Variants in EIF5B observed in about 807,000 individuals in gnomAD.
The protein encoded by EIF5B is eukaryotic translation initiation factor 5B.
Under a neutral mutation model 147.5 loss-of-function variants are expected in EIF5B, and 47 were observed. That is an observed-to-expected ratio of 0.32 (90% confidence interval 0.25 to 0.41). The LOEUF (loss-of-function observed/expected upper bound fraction) is 0.41. Ranked by LOEUF, EIF5B falls within the 10% of genes least tolerant of loss-of-function variation. The pLI is 1.00. For missense variants in EIF5B, 1,064 were observed against 1,413.2 expected, an observed-to-expected ratio of 0.75 and a Z score of 3.96; for synonymous variants, 455 against 456.2, an observed-to-expected ratio of 1.00 and a Z score of 0.03.
intron 14 of EIF5B, among the ~76,000 whole-genome samples, chr2:99,384,728 G>A (rs1006965890): frequency 3.9e-5 from 6 of 152,210 alleles, no homozygotes; most frequent in Admixed American, 1.3e-4. Flanking sequence ...GGAAGTCACT[G>A]CGGATGTGGT....
At chr2:99,341,525 T>C (rs1198847447) in intron 1 of EIF5B, among the ~76,000 whole-genome samples, 2 of 152,226 alleles carry the variant, frequency 1.3e-5, no homozygotes, top group Non-Finnish European at 2.9e-5. Flanking sequence ...ATTCCAGTAT[T>C]GCAGTTGATC....
chr2:99,350,694 C>A (rs1174845200), intron 1 of EIF5B, among the ~76,000 whole-genome samples: 2 of 152,052 alleles, frequency 1.3e-5, no homozygotes, highest in Admixed American at 6.6e-5. Flanking sequence ...ATATTTTCTC[C>A]CGTTCTATAG....
intron 18 of EIF5B, among the ~76,000 whole-genome samples, 186 bp from the exon 19 acceptor site, chr2:99,394,081 G>A (rs1479244951): frequency 6.6e-6 from 1 of 152,216 alleles, no homozygotes; most frequent in African/African-American, 2.4e-5. Flanking sequence ...GCGAAATACA[G>A]TTAGGGTATG....
chr2:99,350,792 G>A (rs1000099786), intron 1 of EIF5B, among the ~76,000 whole-genome samples: 80 of 152,086 alleles, frequency 5.3e-4, no homozygotes, highest in Non-Finnish European at 3.7e-4. Flanking sequence ...CTTAAACAAC[G>A]TTATGAAGTG....
chr2:99,398,006 T>C (rs1465609562), intron 22 of EIF5B: 1 of 152,084 alleles, frequency 6.6e-6, no homozygotes, highest in Non-Finnish European at 1.5e-5. Flanking sequence ...CAGTAGGAGC[T>C]CAACTGGCTC....
rs2094245426 is a variant in EIF5B at position 99,337,441 on chromosome 2, G to T, written c.-114G>T. 2 of 1,361,734 alleles carry T rather than the reference G, an allele frequency of 1.5e-6. No homozygotes were observed. Among genetic ancestry groups the T allele is most frequent in the Non-Finnish European group, 2.1e-6 (2 of 974,616 alleles). The allele number at this position is 1,361,734 out of a possible 1,614,324, so 84.4% of individuals were successfully genotyped here. On this transcript the variant is annotated 5_prime_UTR_variant, in exon 1 of 24. Coordinates refer to ENST00000289371, the MANE Select transcript of EIF5B (RefSeq NM_015904.4). ...CGGGTCTGTGGAGAGCCGGGTGCGA[G>T]CGGCGGCAGCACGAGGGGAAAAGAG...
intron 1 of EIF5B, among the ~76,000 whole-genome samples, chr2:99,347,387 G>A (rs908757021): frequency 1.3e-5 from 2 of 152,206 alleles, no homozygotes; most frequent in Admixed American, 6.5e-5. Context: ...GAAAGATGAT[G>A]CCACGTTGTT....
chr2:99,390,353 G>A lies in EIF5B; in HGVS notation c.2538G>A (p.Leu846=). ...TTGTAGAGTTAACTCAGACCATGTT[G>A]AGCAAGAGACTTGCACACTGTGAAG... ...YLLVELTQTM[L]SKRLAHCEEL... The change falls in exon 16 of 24, where the codon TTG becomes TTA. Residue 846 remains leucine, a synonymous_variant. Transcript: ENST00000289371. 6.2e-7 allele frequency: 1 copy of A among 1,613,914 alleles called. No individual in the cohort carries two copies. Among genetic ancestry groups the A allele is most frequent in the Non-Finnish European group, 8.5e-7 (1 of 1,180,014 alleles).
intron 9 of EIF5B, among the ~76,000 whole-genome samples, chr2:99,373,342 C>A (rs1372922910): frequency 6.6e-6 from 1 of 152,160 alleles, no homozygotes; most frequent in Non-Finnish European, 1.5e-5. Context: ...GCATTGGTGC[C>A]TGGTAAAGGC....
rs1290554908 is a variant in EIF5B, at chr2:99,361,588, C to G, written c.687C>G (p.Ala229=). The change falls in exon 4 of 24, where the codon GCC becomes GCG. Residue 229 remains alanine, a synonymous_variant. Coordinates refer to ENST00000289371, the MANE Select transcript of EIF5B (RefSeq NM_015904.4). ...DDASFKIKTV[A]QKKAEKKERE... ...CCTCCTTCAAAATTAAGACAGTGGC[C>G]CAAAAGAAGGCAGAAAAGAAGGAGC... 2 of 1,604,134 alleles carry G rather than the reference C, an allele frequency of 1.2e-6. No individual in the cohort carries two copies. Among genetic ancestry groups the G allele is most frequent in the Non-Finnish European group, 1.7e-6 (2 of 1,177,548 alleles).
intron 12 of EIF5B, among the ~76,000 whole-genome samples, chr2:99,381,511 A>G (rs1674687141): frequency 1.9e-5 from 2 of 103,582 alleles, no homozygotes; most frequent in South Asian, 7.8e-4. Flanking sequence ...GCATAATACA[A>G]AAAGGGGGTG....
chr2:99,364,205 T>C (rs2104184527), intron 5 of EIF5B, 66 bp from the exon 6 acceptor site: 1 of 1,506,726 alleles, frequency 6.6e-7, no homozygotes, highest in Non-Finnish European at 8.8e-7. Context: ...GTTTGGATTG[T>C]TTACATTTGA....
At chr2:99,363,261 C>T (rs531719917) in intron 4 of EIF5B, among the ~76,000 whole-genome samples, 5 of 152,166 alleles carry the variant, frequency 3.3e-5, no homozygotes, top group Non-Finnish European at 5.9e-5. Context: ...ACAGAACTTA[C>T]GTGGGTGTTA....
Position 99,399,776 on chromosome 2 carries a change from A to G in EIF5B, c.*362A>G, listed in dbSNP as rs1015875177. The G allele has an allele frequency of 3.1e-5, 5 of 160,366 alleles. No homozygotes were observed. Among genetic ancestry groups the G allele is most frequent in the African/African-American group, 9.6e-5 (4 of 41,752 alleles). 9.9% of individuals were successfully genotyped at this position (160,366 alleles called of 1,614,324 possible). ...AAATCAGTACTGCAGTATTTGATTA[A>G]CCAAGCTTCTGCAGATTTTGTGATT... is the stretch of plus-strand genomic sequence containing the variant. On this transcript the variant is annotated 3_prime_UTR_variant, in exon 24 of 24. Transcript: ENST00000289371.
rs199694603 is a variant in EIF5B, at chr2:99,361,790, G to A, written c.889G>A (p.Glu297Lys). 4 of 1,559,168 alleles carry A rather than the reference G, an allele frequency of 2.6e-6. No homozygotes were observed. Among genetic ancestry groups the A allele is most frequent in the African/African-American group, 1.4e-5 (1 of 72,030 alleles). ...TACTGGAGTAATTCCTGCCTCTGAAGAGAAAGCAGAGACTCCCACAGCTGC... is the reference window on the plus strand; with the variant it reads ...TACTGGAGTAATTCCTGCCTCTGAAAAGAAAGCAGAGACTCCCACAGCTGC... Reference protein sequence around the residue: ...VDTGVIPASEEKAETPTAAED... With the variant: ...VDTGVIPASEKKAETPTAAED... The change falls in exon 4 of 24, where the codon GAG becomes AAG. Residue 297 changes from glutamate (E) to lysine (K), a missense_variant. Transcript: ENST00000289371.
intron 1 of EIF5B, among the ~76,000 whole-genome samples, chr2:99,339,006 ATTTTT>A (rs1189175387): frequency 7.3e-6 from 1 of 137,204 alleles, no homozygotes; most frequent in East Asian, 2.0e-4. Context: ...ATATATATAC[ATTTTT>A]TTTTTTTTTT....
Position 99,351,824 on chromosome 2 carries a change from A to G in EIF5B, c.36-8412A>G, listed in dbSNP as rs573757274. Among the ~76,000 whole-genome samples the G allele has an allele frequency of 6.6e-5, 10 of 152,086 alleles. No individual in the cohort carries two copies. The South Asian group carries it at 2.1e-3, about 32-fold the overall frequency. On this transcript the variant is annotated intron_variant, in intron 1 of 23. Coordinates refer to ENST00000289371, the MANE Select transcript of EIF5B (RefSeq NM_015904.4). ...GCAATTCTCTTGCCTCAGCCTCCTG[A>G]GTACCTAGGATTACAGGCACGAGCC...
intron 13 of EIF5B, 31 bp downstream of exon 13, chr2:99,382,257 G>A: frequency 6.3e-7 from 1 of 1,589,198 alleles, no homozygotes; most frequent in South Asian, 1.1e-5. Context: ...TTCTCATCAA[G>A]CAATCTACTT....
chr2:99,338,333 C>T lies in EIF5B; in HGVS notation c.35+744C>T, dbSNP rs371226216. 84 of 1,289,090 alleles carry T rather than the reference C, an allele frequency of 6.5e-5. No homozygotes were observed. In the African/African-American group the frequency reaches 1.2e-3, roughly 18 times the overall value. The allele number at this position is 1,289,090 out of a possible 1,614,324, so 79.9% of individuals were successfully genotyped here. A position where few individuals can be genotyped will look rare whatever the true frequency, so the allele number is the denominator to read the frequency against. Reference sequence around the variant, plus strand: ...GTTACTTACCTAGAGATTTTTGAGACATTTCTGTGTGTCACATTCGATTGA... The same window carrying T: ...GTTACTTACCTAGAGATTTTTGAGATATTTCTGTGTGTCACATTCGATTGA... On this transcript the variant is annotated intron_variant, in intron 1 of 23. Transcript: ENST00000289371.
Sources: gnomAD v4.1 joint callset for allele counts (sites outside exome capture counted in the v4.1 genomes callset) on GRCh38, gnomAD v4.1.1 for gene constraint, MANE v1.5 for transcripts, NCBI Gene and HGNC (gene_info 2026-07-23, HGNC 2026-07-21) for gene names.